Variants in WWOX observed in about 807,000 individuals in gnomAD.
WWOX encodes the protein WW domain-containing oxidoreductase.
In WWOX, 69 loss-of-function variants were observed where a neutral mutation model predicts 46.2. The observed-to-expected ratio is 1.49, with a 90% CI of 1.23 to 1.82. The LOEUF (loss-of-function observed/expected upper bound fraction) is 1.82, where lower values mean the gene tolerates loss of function less well. Ranked by LOEUF, WWOX falls within the 40% of genes most tolerant of loss-of-function variation. The pLI is 0.00. For missense variants in WWOX, 919 were observed against 542.6 expected (o/e 1.69, Z -6.89); for synonymous variants, 359 against 202.6 (o/e 1.77, Z -6.56).
intron 8 of WWOX, among the ~76,000 whole-genome samples, chr16:78,854,925 A>G (rs1472114976): frequency 6.8e-6 from 1 of 146,182 alleles, no homozygotes; most frequent in Non-Finnish European, 1.5e-5. Flanking sequence ...TTTTTTTTTA[A>G]CAAAACTTTA....
intron 8 of WWOX, among the ~76,000 whole-genome samples, chr16:78,635,037 G>A (rs1456345232): frequency 1.3e-5 from 2 of 152,028 alleles, no homozygotes; most frequent in African/African-American, 2.4e-5. Flanking sequence ...CAACCCTGAC[G>A]GCTTCCCTGC....
At chr16:78,501,122 A>C (rs938580606) in intron 8 of WWOX, among the ~76,000 whole-genome samples, 1 of 150,704 alleles carries the variant, frequency 6.6e-6, no homozygotes, top group Non-Finnish European at 1.5e-5. Flanking sequence ...GTTAATGCCC[A>C]CAAATTTCTG....
At chr16:78,539,255 A>C (rs1336798941) in intron 8 of WWOX, among the ~76,000 whole-genome samples, 1 of 152,248 alleles carries the variant, frequency 6.6e-6, no homozygotes, top group Non-Finnish European at 1.5e-5. Flanking sequence ...AGATGCACAG[A>C]CAAAATCACA....
intron 8 of WWOX, among the ~76,000 whole-genome samples, chr16:78,938,360 T>G (rs560569510): frequency 1.3e-5 from 2 of 152,300 alleles, no homozygotes; most frequent in East Asian, 3.9e-4. Context: ...TGTATACCAC[T>G]GACAGTGTTT....
At chr16:78,986,398 G>T (rs1052306175) in intron 8 of WWOX, among the ~76,000 whole-genome samples, 4 of 152,172 alleles carry the variant, frequency 2.6e-5, no homozygotes, top group Admixed American at 6.5e-5. Flanking sequence ...AGAACAATTG[G>T]TTTGGACATG....
chr16:78,518,981 C>A (rs1018215315), intron 8 of WWOX, among the ~76,000 whole-genome samples: 1 of 152,210 alleles, frequency 6.6e-6, no homozygotes, highest in African/African-American at 2.4e-5. Flanking sequence ...TGTTTACTGT[C>A]TTCTGAGCTG....
chr16:78,256,751 C>G (rs906184174), intron 5 of WWOX, among the ~76,000 whole-genome samples: 2 of 152,096 alleles, frequency 1.3e-5, no homozygotes, highest in Admixed American at 1.3e-4. Context: ...GAGAGTAGAG[C>G]AGAACATTGG....
intron 6 of WWOX, among the ~76,000 whole-genome samples, chr16:78,418,489 A>C (rs78330097): frequency 0.054 from 8,228 of 152,242 alleles, 718 homozygotes; most frequent in African/African-American, 0.19. Flanking sequence ...AGAGGCAGAC[A>C]AAGATATCAC....
rs1170091933 is a variant in WWOX at position 79,211,970 on chromosome 16, TC to T, written c.*176del. 1 of 1,533,592 alleles carries T rather than the reference TC, an allele frequency of 6.5e-7. No individual in the cohort carries two copies. Among genetic ancestry groups the T allele is most frequent in the Admixed American group, 2.0e-5 (1 of 50,892 alleles). 95.0% of individuals were successfully genotyped at this position (1,533,592 alleles called of 1,614,324 possible). ...TAAGTACCAATGGGAAGCAGGGAAT[TC>T]CTGGGGTAAAGTATCACTTTTCTGG... On this transcript the variant is annotated 3_prime_UTR_variant, in exon 9 of 9. Coordinates refer to ENST00000566780, the MANE Select transcript of WWOX (RefSeq NM_016373.4).
At chr16:78,795,489 A>T (rs372817906) in intron 8 of WWOX, among the ~76,000 whole-genome samples, 72 of 149,604 alleles carry the variant, frequency 4.8e-4, no homozygotes, top group African/African-American at 1.7e-3. Context: ...TGCTCACAAG[A>T]TCCTCTACAT....
At chr16:78,763,428 C>T (rs922592295) in intron 8 of WWOX, among the ~76,000 whole-genome samples, 2 of 152,242 alleles carry the variant, frequency 1.3e-5, no homozygotes, top group African/African-American at 4.8e-5. Flanking sequence ...CTGGTCACAT[C>T]TTCTGACCTC....
At chr16:78,335,369 C>T (rs2080865139) in intron 5 of WWOX, among the ~76,000 whole-genome samples, 1 of 152,184 alleles carries the variant, frequency 6.6e-6, no homozygotes, top group South Asian at 2.1e-4. Context: ...TAAACGAGAG[C>T]ATGCAGTGTT....
At chr16:78,459,826 G>C (rs542410811) in intron 8 of WWOX, among the ~76,000 whole-genome samples, 11 of 147,860 alleles carry the variant, frequency 7.4e-5, no homozygotes, top group African/African-American at 2.7e-4. Context: ...TTTTGAGACA[G>C]GGTCTTAGTC....
At chr16:78,919,815 A>C (rs2045336788) in intron 8 of WWOX, among the ~76,000 whole-genome samples, 1 of 152,140 alleles carries the variant, frequency 6.6e-6, no homozygotes, top group Non-Finnish European at 1.5e-5. Flanking sequence ...GCACCTGACT[A>C]AGTGGCTTTA....
At chr16:78,859,871 A>G (rs1209158415) in intron 8 of WWOX, among the ~76,000 whole-genome samples, 4 of 152,098 alleles carry the variant, frequency 2.6e-5, no homozygotes, top group East Asian at 1.9e-4. Context: ...TGCATCTCCT[A>G]TTTTCACTTA....
chr16:78,758,839 A>G (rs3743684), intron 8 of WWOX, among the ~76,000 whole-genome samples: 6,231 of 151,904 alleles, frequency 0.041, 404 homozygotes, highest in African/African-American at 0.14. Context: ...CCATATTTGT[A>G]TCACTAACCA....
intron 8 of WWOX, among the ~76,000 whole-genome samples, chr16:78,923,432 A>G (rs901423387): frequency 6.6e-6 from 1 of 152,072 alleles, no homozygotes; most frequent in African/African-American, 2.4e-5. Flanking sequence ...CCAGCCTGCT[A>G]TTTTTTGAGC....
intron 8 of WWOX, among the ~76,000 whole-genome samples, chr16:78,659,646 C>T (rs1267246964): frequency 1.3e-5 from 2 of 152,180 alleles, no homozygotes; most frequent in East Asian, 1.9e-4. Flanking sequence ...TCCATCGGAG[C>T]GAGTTCAGGA....
At chr16:78,236,369 A>G (rs913853960) in intron 5 of WWOX, among the ~76,000 whole-genome samples, 4 of 152,186 alleles carry the variant, frequency 2.6e-5, no homozygotes, top group Non-Finnish European at 5.9e-5. Flanking sequence ...CCTCTGAAGA[A>G]TAGGTGTTTT....
Sources: allele counts gnomAD v4.1 joint callset (sites outside exome capture counted in the v4.1 genomes callset), GRCh38; gene constraint gnomAD v4.1.1; transcripts MANE v1.5; gene names NCBI Gene and HGNC (gene_info 2026-07-23, HGNC 2026-07-21).